Variants in CCDC62 observed in about 807,000 individuals in gnomAD.
CCDC62 encodes the protein coiled-coil domain-containing protein 62.
Under a neutral mutation model 80.8 loss-of-function variants are expected in CCDC62, and 72 were observed. The observed-to-expected ratio is 0.89, with a 90% CI of 0.74 to 1.08. CCDC62 has a LOEUF of 1.08. Ranked by LOEUF, CCDC62 falls within the 50% of genes least tolerant of loss-of-function variation. CCDC62 has a pLI of 0.00. For synonymous variants in CCDC62, 286 were observed against 296.5 expected, an observed-to-expected ratio of 0.96 and a Z score of 0.36; for missense variants, 704 against 809.4, an observed-to-expected ratio of 0.87 and a Z score of 1.58.
chr12:122,796,261 A>G (rs1393876580), intron 6 of CCDC62, among the ~76,000 whole-genome samples: 2 of 148,792 alleles, frequency 1.3e-5, no homozygotes, highest in Admixed American at 6.8e-5. Context: ...AGGGCCAGGT[A>G]AAGTAGTTGG....
At chr12:122,788,705 G>C (rs2030415251) in intron 4 of CCDC62, 53 bp from the exon 5 acceptor site, 1 of 1,127,016 alleles carries the variant, frequency 8.9e-7, no homozygotes, top group African/African-American at 1.6e-5. Context: ...TTTTCTTCTT[G>C]GTTAATTGGA....
rs1487523373 is a variant in CCDC62 at position 122,827,407 on chromosome 12, A to G, written c.*1026A>G. On this transcript the variant is annotated 3_prime_UTR_variant, in exon 13 of 13. Coordinates refer to ENST00000253079, the MANE Select transcript of CCDC62 (RefSeq NM_201435.5). The stretch of plus-strand genomic sequence containing the variant: ...AGGTCTCAGTGTTACTTCAGAGATG[A>G]TTTTCATGAGCGGGGAAGAGCCACC... 6.6e-6 allele frequency: 1 copy of G among 152,138 alleles called. No homozygotes were observed. Among genetic ancestry groups the G allele is most frequent in the Non-Finnish European group, 1.5e-5 (1 of 68,030 alleles). 9.4% of individuals were successfully genotyped at this position (152,138 alleles called of 1,614,324 possible). A position where few individuals can be genotyped will look rare whatever the true frequency, so the allele number is the denominator to read the frequency against.
intron 10 of CCDC62, among the ~76,000 whole-genome samples, chr12:122,813,022 A>AT (rs1308504770): frequency 5.8e-5 from 6 of 102,966 alleles, no homozygotes; most frequent in Non-Finnish European, 1.3e-4. Context: ...ACATAGTGAG[A>AT]TCCCACCTCT....
intron 11 of CCDC62, among the ~76,000 whole-genome samples, chr12:122,814,221 T>C (rs1468692843): frequency 8.4e-5 from 12 of 143,120 alleles, no homozygotes; most frequent in African/African-American, 3.2e-4. Flanking sequence ...GTGGAGGTTA[T>C]GGTAAGCCGA....
At chr12:122,801,021 A>G in intron 8 of CCDC62, 103 bp from the exon 9 acceptor site, 1 of 1,232,318 alleles carries the variant, frequency 8.1e-7, no homozygotes, top group Non-Finnish European at 1.1e-6. Flanking sequence ...CAGACAAACG[A>G]GTCTCATTGG....
Position 122,777,666 on chromosome 12 carries a change from G to A in CCDC62, c.212G>A (p.Arg71His), listed in dbSNP as rs187710081. ...CAGAAAGTGTTGACACTGGAAGAAC[G>A]TTGCAGCAAATTAGAAGGTCAGAAA... The part of the protein sequence containing the change: ...DRQKVLTLEE[R>H]CSKLEGELHK... Residue 71 changes from arginine to histidine, a missense_variant, in exon 2 of 13, where the codon CGT (arginine) becomes CAT (histidine). Arg to His is a conservative substitution (Grantham distance 29). Coordinates refer to ENST00000253079, the MANE Select transcript of CCDC62 (RefSeq NM_201435.5). The A allele has an allele frequency of 4.2e-5, 67 of 1,614,006 alleles. No individual in the cohort carries two copies. The highest frequency in any genetic ancestry group is 3.2e-4 in the Admixed American group (19 of 60,000).
At chr12:122,815,596 G>A (rs989719705) in intron 11 of CCDC62, among the ~76,000 whole-genome samples, 1 of 152,010 alleles carries the variant, frequency 6.6e-6, no homozygotes, top group Non-Finnish European at 1.5e-5. Context: ...ACAGGCGCCC[G>A]CCACCACACC....
intron 11 of CCDC62, among the ~76,000 whole-genome samples, chr12:122,813,677 A>G (rs1358161461): frequency 6.6e-6 from 1 of 152,048 alleles, no homozygotes; most frequent in Non-Finnish European, 1.5e-5. Flanking sequence ...GGGGGCGGGT[A>G]CAGAGTTTTG....
At chr12:122,805,343 CTTTT>C (rs56167273) in intron 9 of CCDC62, among the ~76,000 whole-genome samples, 1 of 105,126 alleles carries the variant, frequency 9.5e-6, no homozygotes. Flanking sequence ...TGTCTTAATT[CTTTT>C]TTTTTTTTTT....
At chr12:122,781,378 G>GAA in intron 3 of CCDC62, 48 bp downstream of exon 3, 1 of 1,565,416 alleles carries the variant, frequency 6.4e-7, no homozygotes, top group Non-Finnish European at 8.7e-7. Context: ...TTCCCTTTGT[G>GAA]TTTCAGTTAT....
At chr12:122,800,649 A>G (rs1194049202) in intron 8 of CCDC62, among the ~76,000 whole-genome samples, 2 of 151,624 alleles carry the variant, frequency 1.3e-5, no homozygotes, top group East Asian at 3.9e-4. Flanking sequence ...TGGGTCTCGA[A>G]CTCCTGACCT....
chr12:122,790,758 T>A (rs922774361), intron 5 of CCDC62, among the ~76,000 whole-genome samples: 13 of 152,272 alleles, frequency 8.5e-5, no homozygotes, highest in African/African-American at 2.4e-4. Context: ...TCCAGCCCTG[T>A]CTTCACTTGG....
In CCDC62 at chr12:122,821,503, G is replaced by A. The variant is rs970563817; in HGVS notation, c.2002-1863G>A. Among the ~76,000 whole-genome samples the A allele has an allele frequency of 2.6e-5, 4 of 152,316 alleles. No individual in the cohort carries two copies. The East Asian group carries it at 7.7e-4, about 29-fold the overall frequency. On this transcript the variant is annotated intron_variant, in intron 11 of 12. Coordinates refer to ENST00000253079, the MANE Select transcript of CCDC62 (RefSeq NM_201435.5). ...GTCACTCTCTCGCTCAGGCTAGAGT[G>A]CAGTGGCACGATCATGGCTCACTTC... is the stretch of plus-strand genomic sequence containing the variant.
At chr12:122,784,422 G>A (rs1480346158) in intron 3 of CCDC62, among the ~76,000 whole-genome samples, 2 of 152,160 alleles carry the variant, frequency 1.3e-5, no homozygotes, top group Admixed American at 6.5e-5. Flanking sequence ...TTGGGAGGCT[G>A]AGGCAGGAGA....
chr12:122,813,439 T>A lies in CCDC62; in HGVS notation c.2001+20T>A. 1.2e-6 allele frequency: 2 copies of A among 1,603,652 alleles called. No individual in the cohort carries two copies. The highest frequency in any genetic ancestry group is 1.7e-6 in the Non-Finnish European group (2 of 1,176,338). On this transcript the variant is annotated intron_variant, in intron 11 of 12. Coordinates refer to ENST00000253079, the MANE Select transcript of CCDC62 (RefSeq NM_201435.5). ...ACAAATGTATGCGTTTCATTTTCTC[T>A]TGACTATATTTGTCACATCCAAACA...
intron 11 of CCDC62, among the ~76,000 whole-genome samples, chr12:122,819,421 G>T (rs944285179): frequency 6.6e-6 from 1 of 152,110 alleles, no homozygotes; most frequent in Non-Finnish European, 1.5e-5. Context: ...CTCCTGTTGG[G>T]GAAATTGGCA....
chr12:122,813,404 TG>T lies in CCDC62; in HGVS notation c.1988del (p.Gly663AlafsTer34). 6.2e-7 allele frequency: 1 copy of T among 1,612,718 alleles called. No homozygotes were observed. Among genetic ancestry groups the T allele is most frequent in the South Asian group, 1.1e-5 (1 of 90,918 alleles). ...LLPISHENLT[G>X]SATNKSEVPE... ...TGCCCATCAGCCATGAGAATCTCAC[TG>T]GCAGTGCCACAAATGTATGCGTTTC... On this transcript the variant is annotated frameshift_variant, in exon 11 of 13. Transcript: ENST00000253079. LOFTEE classifies it high-confidence loss of function.
chr12:122,798,269 T>C, intron 8 of CCDC62, 69 bp downstream of exon 8: 5 of 812,352 alleles, frequency 6.2e-6, no homozygotes, highest in South Asian at 5.8e-5. Context: ...TACTGCGCAC[T>C]TACTGTTGGC....
At chr12:122,824,977 T>G (rs1169165908) in intron 12 of CCDC62, among the ~76,000 whole-genome samples, 1 of 151,136 alleles carries the variant, frequency 6.6e-6, no homozygotes, top group East Asian at 2.0e-4. Flanking sequence ...TCCCAGCTAC[T>G]CAGGAGGCTG....
Sources: allele counts gnomAD v4.1 joint callset (sites outside exome capture counted in the v4.1 genomes callset), GRCh38; gene constraint gnomAD v4.1.1; transcripts MANE v1.5; gene names NCBI Gene and HGNC (gene_info 2026-07-23, HGNC 2026-07-21).